Variants in FLRT3 observed in about 807,000 individuals in gnomAD.
FLRT3 encodes fibronectin leucine rich transmembrane protein 3.
In FLRT3, 17 loss-of-function variants were observed where a neutral mutation model predicts 42.6. That is an observed-to-expected ratio of 0.40 (90% confidence interval 0.27 to 0.60). The LOEUF (loss-of-function observed/expected upper bound fraction) is 0.60. Among genes scored for constraint, FLRT3 ranks in the 20% least tolerant of loss-of-function variants. FLRT3 has a pLI of 0.44. For synonymous variants in FLRT3, 279 were observed against 286.4 expected (o/e 0.97, Z 0.26); for missense variants, 635 against 789.2 (o/e 0.80, Z 2.34).
chr20:14,325,461 C>G lies in FLRT3; in HGVS notation c.*96G>C. ...ACAGTACATTGCTTTTTTTCAGTCT[C>G]TTTTTCCAGTGTTTTGCAGTAGAAC... On this transcript the variant is annotated 3_prime_UTR_variant, in exon 3 of 3. Transcript: ENST00000341420. The G allele has an allele frequency of 2.3e-6, 3 of 1,315,658 alleles. No individual in the cohort carries two copies. Among genetic ancestry groups the G allele is most frequent in the Non-Finnish European group, 3.1e-6 (3 of 957,800 alleles). 81.5% of individuals were successfully genotyped at this position (1,315,658 alleles called of 1,614,324 possible). A position where few individuals can be genotyped will look rare whatever the true frequency, so the allele number is the denominator to read the frequency against.
chr20:14,335,553 A>C (rs1193912395), intron 1 of FLRT3, among the ~76,000 whole-genome samples: 1 of 152,178 alleles, frequency 6.6e-6, no homozygotes, highest in Non-Finnish European at 1.5e-5. Context: ...TTTATTTGCT[A>C]TCCAATTATA....
In FLRT3 at chr20:14,326,238, A is replaced by G. The variant is rs780680761; in HGVS notation, c.1269T>C (p.Ile423=). 1.2e-6 allele frequency: 2 copies of G among 1,613,896 alleles called. No individual in the cohort carries two copies. Among genetic ancestry groups the G allele is most frequent in the South Asian group, 1.1e-5 (1 of 91,082 alleles). ...GTAGAGCAAGTTTCCAAGAGATATG[A>G]ATGGTATCAGAGGTGACAGACTTCA... ...ITVKSVTSDT[I]HISWKLALPM... The change falls in exon 3 of 3, where the codon ATT becomes ATC. Residue 423 remains isoleucine (I), a synonymous_variant. Transcript: ENST00000341420. The surrounding 1 kb of genome is among the most constrained non-coding windows in gnomAD (Gnocchi z 5.5).
chr20:14,326,061 CA>C lies in FLRT3; in HGVS notation c.1445del (p.Met482ArgfsTer66). ...CAAATAGGTAGAGGTTGCTGGTTTCCATGGGAACCATGCATACTTTATAGGG... is the reference window on the plus strand; with the variant it reads ...CAAATAGGTAGAGGTTGCTGGTTTCCTGGGAACCATGCATACTTTATAGGG... ...DSPYKVCMVP[M>X]ETSNLYLFDE... is the part of the protein sequence containing the mutation. On this transcript the variant is annotated frameshift_variant, in exon 3 of 3. Transcript: ENST00000341420. LOFTEE classifies it high-confidence loss of function. This position sits in a 1 kb window ranked among gnomAD's most constrained non-coding sequence, Gnocchi z 5.5. 1 of 1,613,896 alleles carries C rather than the reference CA, an allele frequency of 6.2e-7. No individual in the cohort carries two copies. The highest frequency in any genetic ancestry group is 8.5e-7 in the Non-Finnish European group (1 of 1,179,876).
chr20:14,329,386 A>G (rs1449959750), intron 1 of FLRT3, 59 bp from the exon 2 acceptor site: 1 of 152,136 alleles, frequency 6.6e-6, no homozygotes, highest in East Asian at 1.9e-4. Flanking sequence ...TACTAGAGAA[A>G]TTTCCTAGAC....
At chr20:14,335,585 G>A (rs1014567450) in intron 1 of FLRT3, among the ~76,000 whole-genome samples, 16 of 152,064 alleles carry the variant, frequency 1.1e-4, no homozygotes, top group African/African-American at 3.9e-4. Flanking sequence ...CGTTATGTTT[G>A]GGAAGTGTTT....
rs1054552040 is a variant in FLRT3, at chr20:14,326,222, G to A, written c.1285C>T (p.Leu429Phe). Residue 429 changes from leucine to phenylalanine, a missense_variant, in exon 3 of 3, where the codon CTT becomes TTT. Transcript: ENST00000341420. This position sits in a 1 kb window ranked among gnomAD's most constrained non-coding sequence, Gnocchi z 5.5. ...CTCAAAGCAGTCATAGGTAGAGCAA[G>A]TTTCCAAGAGATATGAATGGTATCA... ...TSDTIHISWK[L>F]ALPMTALRLS... The A allele has an allele frequency of 6.2e-6, 10 of 1,613,962 alleles. No homozygotes were observed. The highest frequency in any genetic ancestry group is 1.7e-4 in the Middle Eastern group (1 of 6,056).
Position 14,326,221 on chromosome 20 carries a change from AG to A in FLRT3, c.1285del (p.Ala430LeufsTer4). The A allele has an allele frequency of 6.2e-7, 1 of 1,613,948 alleles. No individual in the cohort carries two copies. Reference protein sequence around the residue: ...TSDTIHISWKLALPMTALRLS... With the variant: ...TSDTIHISWKXALPMTALRLS... The stretch of plus-strand genomic sequence containing the variant: ...TCTCAAAGCAGTCATAGGTAGAGCA[AG>A]TTTCCAAGAGATATGAATGGTATCA... On this transcript the variant is annotated frameshift_variant, in exon 3 of 3. Transcript: ENST00000341420. LOFTEE classifies it high-confidence loss of function. This position sits in a 1 kb window ranked among gnomAD's most constrained non-coding sequence, Gnocchi z 5.5.
intron 1 of FLRT3, among the ~76,000 whole-genome samples, chr20:14,332,747 A>G (rs2082867852): frequency 6.6e-6 from 1 of 152,134 alleles, no homozygotes; most frequent in Non-Finnish European, 1.5e-5. Context: ...CCTTGAGACT[A>G]AAGAAAACAC....
In FLRT3 at chr20:14,327,544, C is replaced by T. The variant is rs140068491; in HGVS notation, c.-38G>A. On this transcript the variant is annotated 5_prime_UTR_variant, in exon 3 of 3. Transcript: ENST00000341420. ...TGAGGTCTTTATACAAGGTAGCTTCCGTTACTTCAGAACCCTAAAATGAAG... is the reference window on the plus strand; with the variant it reads ...TGAGGTCTTTATACAAGGTAGCTTCTGTTACTTCAGAACCCTAAAATGAAG... The T allele has an allele frequency of 8.8e-5, 137 of 1,560,012 alleles. No individual in the cohort carries two copies. The African/African-American group carries it at 1.5e-3, about 17-fold the overall frequency.
chr20:14,326,472 A>G lies in FLRT3; in HGVS notation c.1035T>C (p.Ile345=). The part of the protein sequence containing the change: ...QAPEKVRGMA[I]KDLNAELFDC... ...CAAACAGTTCTGCATTGAGATCCTTAATAGCCATCCCACGAACCTTTTCTG... is the reference window on the plus strand; with the variant it reads ...CAAACAGTTCTGCATTGAGATCCTTGATAGCCATCCCACGAACCTTTTCTG... Residue 345 remains isoleucine, a synonymous_variant, in exon 3 of 3, where the codon ATT becomes ATC. Transcript: ENST00000341420. The surrounding 1 kb of genome is among the most constrained non-coding windows in gnomAD (Gnocchi z 5.5). 3 of 1,613,838 alleles carry G rather than the reference A, an allele frequency of 1.9e-6. No homozygotes were observed. Among genetic ancestry groups the G allele is most frequent in the Non-Finnish European group, 2.5e-6 (3 of 1,179,846 alleles).
chr20:14,325,532 C>G lies in FLRT3; in HGVS notation c.*25G>C. On this transcript the variant is annotated 3_prime_UTR_variant, in exon 3 of 3. Coordinates refer to ENST00000341420, the MANE Select transcript of FLRT3 (RefSeq NM_198391.3). ...CCTTAGGTTTAAAAAACCCAAAACACAAGTCTGCTGTGAGTCCTTCAGCAT... is the reference window on the plus strand; with the variant it reads ...CCTTAGGTTTAAAAAACCCAAAACAGAAGTCTGCTGTGAGTCCTTCAGCAT... 1 of 1,576,208 alleles carries G rather than the reference C, an allele frequency of 6.3e-7. No homozygotes were observed. The highest frequency in any genetic ancestry group is 8.6e-7 in the Non-Finnish European group (1 of 1,161,866).
rs150799973 is a variant in FLRT3, at chr20:14,326,600, G to A, written c.907C>T (p.Arg303Cys). 6.8e-6 allele frequency: 11 copies of A among 1,613,710 alleles called. No homozygotes were observed. Among genetic ancestry groups the A allele is most frequent in the African/African-American group, 1.3e-5 (1 of 74,892 alleles). The change falls in exon 3 of 3, where the codon CGC (arginine) becomes TGC (cysteine). Residue 303 changes from arginine to cysteine, a missense_variant. Coordinates refer to ENST00000341420, the MANE Select transcript of FLRT3 (RefSeq NM_198391.3). This position sits in a 1 kb window ranked among gnomAD's most constrained non-coding sequence, Gnocchi z 5.5. ...DLDNITQLIL[R>C]NNPWYCGCKM... ...CACCCGCAATACCAGGGATTGTTGC[G>A]AAGAATCAGTTGTGTTATATTGTCC...
chr20:14,332,372 G>A (rs763665751), intron 1 of FLRT3, among the ~76,000 whole-genome samples: 1 of 151,946 alleles, frequency 6.6e-6, no homozygotes, highest in African/African-American at 2.4e-5. Flanking sequence ...AAGAGCTTGC[G>A]GCAATCTACA....
Position 14,326,122 on chromosome 20 carries a change from C to T in FLRT3, c.1385G>A (p.Ser462Asn). The stretch of plus-strand genomic sequence containing the variant: ...CTCCAGGGCTGTGACCAAGTACTCA[C>T]TGCGTTCCCCTGTTACAATTGTTTC... ...ITETIVTGER[S>N]EYLVTALEPD... The change falls in exon 3 of 3, where the codon AGT (serine) becomes AAT (asparagine). Residue 462 changes from serine to asparagine, a missense_variant. Transcript: ENST00000341420. The surrounding 1 kb of genome is among the most constrained non-coding windows in gnomAD (Gnocchi z 5.5). 2 of 1,613,886 alleles carry T rather than the reference C, an allele frequency of 1.2e-6. No individual in the cohort carries two copies. Among genetic ancestry groups the T allele is most frequent in the Non-Finnish European group, 8.5e-7 (1 of 1,179,886 alleles).
chr20:14,323,633 T>C lies in FLRT3; in HGVS notation c.*1924A>G, dbSNP rs138976678. On this transcript the variant is annotated 3_prime_UTR_variant, in exon 3 of 3. Transcript: ENST00000341420. ...TCTTGGTCTTTTCAATGATCAGACT[T>C]TATCTTGAAGCTACCTAGGGCCTGC... 3 of 152,312 alleles carry C rather than the reference T, an allele frequency of 2.0e-5. No individual in the cohort carries two copies. Among genetic ancestry groups the C allele is most frequent in the Non-Finnish European group, 1.5e-5 (1 of 68,034 alleles). 9.4% of individuals were successfully genotyped at this position (152,312 alleles called of 1,614,324 possible).
chr20:14,327,883 C>G (rs2082764159), intron 2 of FLRT3, among the ~76,000 whole-genome samples: 1 of 152,002 alleles, frequency 6.6e-6, no homozygotes, highest in Non-Finnish European at 1.5e-5. Context: ...TTTAGACAGT[C>G]ACTGATCAAG....
At chr20:14,331,373 T>A (rs565407992) in intron 1 of FLRT3, among the ~76,000 whole-genome samples, 34 of 152,242 alleles carry the variant, frequency 2.2e-4, no homozygotes, top group African/African-American at 6.7e-4. Context: ...TGTTTTACAT[T>A]TGTGAAGCTG....
In FLRT3 at chr20:14,329,162, T is replaced by G. The variant is rs2082789438; in HGVS notation, c.-81A>C. ...CTGTGAAATAGCTATTTCCAGCTTT[T>G]GCTTCTTGCTGATTTTTCAGAATGT... On this transcript the variant is annotated 5_prime_UTR_variant, in exon 2 of 3. Transcript: ENST00000341420. 1 of 152,088 alleles carries G rather than the reference T, an allele frequency of 6.6e-6. No homozygotes were observed. Among genetic ancestry groups the G allele is most frequent in the Non-Finnish European group, 1.5e-5 (1 of 67,998 alleles). The allele number at this position is 152,088 out of a possible 1,614,324, so 9.4% of individuals were successfully genotyped here.
rs909346417 is a variant in FLRT3 at position 14,323,409 on chromosome 20, T to C, written c.*2148A>G. 6.6e-6 allele frequency: 1 copy of C among 152,182 alleles called. No individual in the cohort carries two copies. Among genetic ancestry groups the C allele is most frequent in the Non-Finnish European group, 1.5e-5 (1 of 68,028 alleles). 9.4% of individuals were successfully genotyped at this position (152,182 alleles called of 1,614,324 possible). A position where few individuals can be genotyped will look rare whatever the true frequency, so the allele number is the denominator to read the frequency against. On this transcript the variant is annotated 3_prime_UTR_variant, in exon 3 of 3. Coordinates refer to ENST00000341420, the MANE Select transcript of FLRT3 (RefSeq NM_198391.3). ...AGAGCTTCCATGCCCTCTCCAGGCA[T>C]GCCATCCTGCAGGAACCACCACATG... is the stretch of plus-strand genomic sequence containing the variant.
Sources: allele counts gnomAD v4.1 joint callset (sites outside exome capture counted in the v4.1 genomes callset), GRCh38; gene constraint gnomAD v4.1.1; non-coding constraint Gnocchi (gnomAD v3.1); transcripts MANE v1.5; gene names NCBI Gene and HGNC (gene_info 2026-07-23, HGNC 2026-07-21).